Variants in PPIL2 observed in about 807,000 individuals in gnomAD.
PPIL2 encodes the protein RING-type E3 ubiquitin-protein ligase PPIL2.
In PPIL2, 50 loss-of-function variants were observed where a neutral mutation model predicts 75.2. The observed-to-expected ratio is 0.66, with a 90% CI of 0.53 to 0.84. The LOEUF (loss-of-function observed/expected upper bound fraction) is 0.84, where lower values mean the gene tolerates loss of function less well. PPIL2 is among the 40% of genes least tolerant of loss of function. The probability of loss-of-function intolerance (pLI) is 0.00; values close to 1 mark genes in which losing one functional copy is unlikely to be tolerated. For synonymous variants in PPIL2, 245 were observed against 258.8 expected, an observed-to-expected ratio of 0.95 and a Z score of 0.51; for missense variants, 590 against 685.0, an observed-to-expected ratio of 0.86 and a Z score of 1.55.
chr22:21,687,057 G>T, intron 12 of PPIL2, 59 bp downstream of exon 12: 1 of 1,481,166 alleles, frequency 6.8e-7, no homozygotes, highest in Non-Finnish European at 9.4e-7. Flanking sequence ...TCATCTGACA[G>T]CCATGTCTTA....
intron 14 of PPIL2, 96 bp from the exon 15 acceptor site, chr22:21,688,636 C>A: frequency 8.2e-7 from 1 of 1,220,764 alleles, no homozygotes; most frequent in South Asian, 1.3e-5. Flanking sequence ...AGGCTGGGCT[C>A]AGCAAGGCCC....
At position 21,696,545 on chromosome 22, in the gene PPIL2, C is replaced by T; in HGVS notation, c.*1055C>T. 1 of 1,370,502 alleles carries T rather than the reference C, an allele frequency of 7.3e-7. No homozygotes were observed. The allele number at this position is 1,370,502 out of a possible 1,614,324, so 84.9% of individuals were successfully genotyped here. ...CCCCCATTTTTCTGTTAAATGTGCC[C>T]CTGGCTGGCTTTTTCTTCGTCTTCA... On this transcript the variant is annotated 3_prime_UTR_variant, in exon 20 of 20. Transcript: ENST00000398831.
At chr22:21,682,691 G>A (rs910953166) in intron 8 of PPIL2, among the ~76,000 whole-genome samples, 165 bp downstream of exon 8, 2 of 142,898 alleles carry the variant, frequency 1.4e-5, no homozygotes, top group Admixed American at 7.0e-5. Context: ...TCAGCGCCTC[G>A]AGGGCAGGAG....
Position 21,686,952 on chromosome 22 carries a change from T to A in PPIL2, c.851T>A (p.Leu284Gln). ...GTGAAGAAGAAGGGCTACGTGCGGCTGCACACCAACAAGGGCGACCTCAAC... is the reference window on the plus strand; with the variant it reads ...GTGAAGAAGAAGGGCTACGTGCGGCAGCACACCAACAAGGGCGACCTCAAC... Reference protein sequence around the residue: ...QFVKKKGYVRLHTNKGDLNLE... With the variant: ...QFVKKKGYVRQHTNKGDLNLE... Residue 284 changes from leucine (L) to glutamine (Q), a missense_variant, in exon 12 of 20, where the codon CTG becomes CAG. Transcript: ENST00000398831. The A allele has an allele frequency of 6.2e-7, 1 of 1,614,068 alleles. No individual in the cohort carries two copies. Among genetic ancestry groups the A allele is most frequent in the South Asian group, 1.1e-5 (1 of 91,080 alleles).
In PPIL2 at chr22:21,687,694, G is replaced by A. The variant is rs375045518; in HGVS notation, c.949G>A (p.Asp317Asn). ...CAGGCTTTGCAAGAAGCATTATTAC[G>A]ATGGCACCATCTTCCACAGATCCAT... ...FIRLCKKHYYDGTIFHRSIRN... is the reference protein window; with the variant it reads ...FIRLCKKHYYNGTIFHRSIRN... Residue 317 changes from aspartate to asparagine, a missense_variant, in exon 13 of 20, where the codon GAT becomes AAT. Physicochemically the swap from Asp to Asn is conservative, Grantham distance 23 (BLOSUM62 1). Coordinates refer to ENST00000398831, the MANE Select transcript of PPIL2 (RefSeq NM_014337.4). 5.6e-6 allele frequency: 9 copies of A among 1,609,620 alleles called. No individual in the cohort carries two copies. Among genetic ancestry groups the A allele is most frequent in the East Asian group, 2.2e-5 (1 of 44,568 alleles).
intron 1 of PPIL2, among the ~76,000 whole-genome samples, chr22:21,669,021 T>C (rs2066513551): frequency 6.7e-6 from 1 of 149,946 alleles, no homozygotes; most frequent in Non-Finnish European, 1.5e-5. Flanking sequence ...CTCTATTTTT[T>C]TTTTTTTTTT....
intron 9 of PPIL2, among the ~76,000 whole-genome samples, chr22:21,684,454 CAAA>C (rs1028354500): frequency 1.7e-4 from 8 of 47,542 alleles, no homozygotes; most frequent in African/African-American, 7.4e-4. Flanking sequence ...TCCATCTCCA[CAAA>C]AAAAAAAAAA....
At chr22:21,691,797 C>G (rs759820723) in intron 15 of PPIL2, among the ~76,000 whole-genome samples, 1 of 152,196 alleles carries the variant, frequency 6.6e-6, no homozygotes, top group Non-Finnish European at 1.5e-5. Flanking sequence ...TGTTAGAAAT[C>G]AGCAAGAGAG....
intron 14 of PPIL2, 30 bp downstream of exon 14, chr22:21,688,136 G>A: frequency 6.2e-7 from 1 of 1,614,012 alleles, no homozygotes; most frequent in Non-Finnish European, 8.5e-7. Context: ...CCCTCTCTGG[G>A]CACTTTGGCT....
In PPIL2 at chr22:21,692,396, C is replaced by T. The variant is rs182267216; in HGVS notation, c.1140-1420C>T. 7.6e-3 allele frequency among the ~76,000 whole-genome samples: 1,152 copies of T among 151,548 alleles called. 11 individuals carry two copies. The highest frequency in any genetic ancestry group is 0.025 in the African/African-American group (1,044 of 41,398). On this transcript the variant is annotated intron_variant, in intron 15 of 19. Coordinates refer to ENST00000398831, the MANE Select transcript of PPIL2 (RefSeq NM_014337.4). ...GTCTCGATCTCCTGACCTTGTGATC[C>T]GCCCACCTTGGCCTCCCAAAGTGCT...
At chr22:21,671,132 T>C (rs1025300924) in intron 4 of PPIL2, 73 bp downstream of exon 4, 1 of 1,434,856 alleles carries the variant, frequency 7.0e-7, no homozygotes, top group African/African-American at 1.4e-5. Context: ...GGACCCTTGG[T>C]ACCCTTGGGT....
intron 3 of PPIL2, 32 bp from the exon 4 acceptor site, chr22:21,670,965 G>A: frequency 2.5e-6 from 4 of 1,583,294 alleles, no homozygotes; most frequent in Non-Finnish European, 3.5e-6. Context: ...AGGGTGCGTG[G>A]CAACTCACCA....
intron 6 of PPIL2, among the ~76,000 whole-genome samples, chr22:21,679,498 A>T (rs1016202954): frequency 5.9e-5 from 9 of 152,000 alleles, no homozygotes; most frequent in Non-Finnish European, 1.3e-4. Context: ...GCTACTTGGG[A>T]GGCTGAGGTG....
intron 7 of PPIL2, among the ~76,000 whole-genome samples, chr22:21,681,631 G>A (rs1264774444): frequency 6.6e-6 from 1 of 152,248 alleles, no homozygotes; most frequent in Non-Finnish European, 1.5e-5. Context: ...TGGCTGCCCA[G>A]CAGGGACCCT....
Position 21,696,260 on chromosome 22 carries a change from C to G in PPIL2, c.*770C>G. The G allele has an allele frequency of 1.9e-6, 2 of 1,026,118 alleles. No homozygotes were observed. Among genetic ancestry groups the G allele is most frequent in the Non-Finnish European group, 2.3e-6 (2 of 854,250 alleles). 63.6% of individuals were successfully genotyped at this position (1,026,118 alleles called of 1,614,324 possible). ...CTGCTCACCTGCTCTGGCTGTGAAC[C>G]ACCTGGGCTTCATCTCAAGCCTGCC... is the stretch of plus-strand genomic sequence containing the variant. On this transcript the variant is annotated 3_prime_UTR_variant, in exon 20 of 20. Transcript: ENST00000398831.
rs1262784607 is a variant in PPIL2, at chr22:21,697,233, CCT to C, written c.*1746_*1747del. 22 of 533,498 alleles carry C rather than the reference CCT, an allele frequency of 4.1e-5. No homozygotes were observed. Among genetic ancestry groups the C allele is most frequent in the Non-Finnish European group, 1.7e-5 (5 of 296,034 alleles). The allele number at this position is 533,498 out of a possible 1,614,324, so 33.0% of individuals were successfully genotyped here. ...GCCCAGGTGTCCACACACCTGTAGG[CCT>C]CTGAGCCAGCGTCCAGGGTACAGGT... On this transcript the variant is annotated 3_prime_UTR_variant, in exon 20 of 20. Coordinates refer to ENST00000398831, the MANE Select transcript of PPIL2 (RefSeq NM_014337.4).
chr22:21,670,962 G>A (rs750719187), intron 3 of PPIL2, 35 bp from the exon 4 acceptor site: 28 of 1,573,944 alleles, frequency 1.8e-5, no homozygotes, highest in South Asian at 3.3e-5. Context: ...ACCAGGGTGC[G>A]TGGCAACTCA....
At chr22:21,686,704 C>T in intron 11 of PPIL2, 146 bp downstream of exon 11, 1 of 1,034,828 alleles carries the variant, frequency 9.7e-7, no homozygotes. Context: ...AGCTGCTGAA[C>T]CCCTGCCAGC....
chr22:21,689,304 T>TGC (rs2067519301), intron 15 of PPIL2, among the ~76,000 whole-genome samples: 1 of 152,202 alleles, frequency 6.6e-6, no homozygotes, highest in Non-Finnish European at 1.5e-5. Flanking sequence ...AGCAGGGCCA[T>TGC]GCACACAGGG....
Sources: gnomAD v4.1 joint callset for allele counts (sites outside exome capture counted in the v4.1 genomes callset) on GRCh38, gnomAD v4.1.1 for gene constraint, MANE v1.5 for transcripts, NCBI Gene and HGNC (gene_info 2026-07-23, HGNC 2026-07-21) for gene names.